CENPN: variants seen among roughly 807,000 people sequenced by gnomAD.
CENPN encodes the protein interphase centromere complex protein 32.
A neutral mutation model predicts 48.6 loss-of-function variants in CENPN; 36 were observed. The ratio of observed to expected loss-of-function variants is 0.74; its 90% CI spans 0.57 to 0.98. The LOEUF (loss-of-function observed/expected upper bound fraction) is 0.98, where lower values mean the gene tolerates loss of function less well. Ranked by LOEUF, CENPN falls within the 50% of genes least tolerant of loss-of-function variation. The pLI is 0.00. For synonymous variants in CENPN, 166 were observed against 135.2 expected (o/e 1.23, Z -1.58); for missense variants, 439 against 399.2 (o/e 1.10, Z -0.85).
At chr16:81,023,037 G>A in intron 7 of CENPN, 2 of 672,262 alleles carry the variant, frequency 3.0e-6, no homozygotes, top group South Asian at 4.1e-5. Context: ...TGAAACAACA[G>A]AGAAGTAGAA....
At position 81,029,573 on chromosome 16, in the gene CENPN, T is replaced by TG. The variant is rs201180655; in HGVS notation, c.*922_*923insG. ...CTCCATCCTGCCCAGCTAATTTTTT[T>TG]TTTGTTTGTTTTTTGTTTTTTGAGA... On this transcript the variant is annotated 3_prime_UTR_variant, in exon 11 of 11. Transcript: ENST00000305850. 9.8e-3 allele frequency among the ~76,000 whole-genome samples: 1,495 copies of TG among 151,962 alleles called. 24 individuals are homozygous for TG. The highest frequency in any genetic ancestry group is 0.034 in the African/African-American group (1,417 of 41,462).
At position 81,031,183 on chromosome 16, in the gene CENPN, AAAC is replaced by A. The variant is rs1970757436; in HGVS notation, c.*2535_*2537del. 1 of 152,100 alleles carries A rather than the reference AAAC, an allele frequency of 6.6e-6. No homozygotes were observed. The highest frequency in any genetic ancestry group is 2.1e-4 in the South Asian group (1 of 4,832). The allele number at this position is 152,100 out of a possible 1,614,324, so 9.4% of individuals were successfully genotyped here. On this transcript the variant is annotated 3_prime_UTR_variant, in exon 11 of 11. Coordinates refer to ENST00000305850, the MANE Select transcript of CENPN (RefSeq NM_001100624.3). The stretch of plus-strand genomic sequence containing the variant: ...AAAAAAATTAAAAGCTCCAAAAAAA[AAAC>A]AATACAGGAGCTTACCTTGAACCTT...
intron 1 of CENPN, among the ~76,000 whole-genome samples, chr16:81,007,968 GT>G (rs1969528424): frequency 6.6e-6 from 1 of 151,996 alleles, no homozygotes; most frequent in Admixed American, 6.6e-5. Context: ...TTAACCGGAC[GT>G]GGTATCGGGT....
chr16:81,022,737 A>T lies in CENPN; in HGVS notation c.633+39A>T, dbSNP rs375442059. On this transcript the variant is annotated intron_variant, in intron 7 of 10. Transcript: ENST00000305850. Reference sequence around the variant, plus strand: ...TGACTCTCTTTAAAGGTAAATCTTTATTTTCTCTTTGACACAGGAGTTAGA... The same window carrying T: ...TGACTCTCTTTAAAGGTAAATCTTTTTTTTCTCTTTGACACAGGAGTTAGA... 3.1e-6 allele frequency: 5 copies of T among 1,614,058 alleles called. No homozygotes were observed. In the Admixed American group the frequency reaches 6.7e-5, roughly 22 times the overall value.
At position 81,026,525 on chromosome 16, in the gene CENPN, G is replaced by C. The variant is rs750788031; in HGVS notation, c.698-1G>C. ...TTTTATTTGAAATCTTCCACCCATA[G>C]TGGATTCAAGGATCATTCATGAAAA... On this transcript the variant is annotated splice_acceptor_variant, in intron 8 of 10. Transcript: ENST00000305850. LOFTEE classifies it high-confidence loss of function. 1 of 1,509,804 alleles carries C rather than the reference G, an allele frequency of 6.6e-7. No homozygotes were observed. Among genetic ancestry groups the C allele is most frequent in the South Asian group, 1.2e-5 (1 of 86,694 alleles). The allele number at this position is 1,509,804 out of a possible 1,614,324, so 93.5% of individuals were successfully genotyped here.
chr16:81,022,282 T>A, intron 6 of CENPN: 1 of 293,562 alleles, frequency 3.4e-6, no homozygotes, highest in Non-Finnish European at 6.5e-6. Flanking sequence ...AGATGACTGA[T>A]ATTCAAAAAC....
downstream of CENPN, chr16:81,032,450 T>C (rs1480575496): frequency 8.3e-6 from 8 of 966,540 alleles, no homozygotes; most frequent in East Asian, 1.8e-4. Context: ...CCATTGGGGG[T>C]TGGGGAATCA....
At chr16:81,007,994 C>A (rs1969530767) in intron 1 of CENPN, among the ~76,000 whole-genome samples, 1 of 152,044 alleles carries the variant, frequency 6.6e-6, no homozygotes, top group African/African-American at 2.4e-5. Flanking sequence ...GTAATCCCAG[C>A]TATTTGGGAG....
At chr16:81,032,559 T>G (rs1415518923), downstream of CENPN, 4 of 1,576,278 alleles carry the variant, frequency 2.5e-6, no homozygotes, top group Non-Finnish European at 3.4e-6. Context: ...TCAGTGTTTT[T>G]TTTTTTTTAG....
chr16:81,021,244 C>G (rs761928826), intron 6 of CENPN, among the ~76,000 whole-genome samples: 30 of 152,316 alleles, frequency 2.0e-4, no homozygotes, highest in Admixed American at 1.0e-3. Context: ...AGACTGCTTT[C>G]ACATAAGATG....
chr16:81,025,847 C>A (rs942346912), intron 8 of CENPN, among the ~76,000 whole-genome samples: 1 of 151,486 alleles, frequency 6.6e-6, no homozygotes, highest in Admixed American at 6.6e-5. Context: ...GGACTACAGG[C>A]GCCTGCCACC....
chr16:81,017,818 A>G lies in CENPN; in HGVS notation c.338A>G (p.Gln113Arg), dbSNP rs1969996860. The G allele has an allele frequency of 6.4e-7, 1 of 1,559,480 alleles. No individual in the cohort carries two copies. Among genetic ancestry groups the G allele is most frequent in the Non-Finnish European group, 8.8e-7 (1 of 1,140,310 alleles). The change falls in exon 5 of 11, where the codon CAG (glutamine) becomes CGG (arginine). Residue 113 changes from glutamine (Q) to arginine (R), a missense_variant. Physicochemically the swap from Gln to Arg is conservative, Grantham distance 43 (BLOSUM62 1). Coordinates refer to ENST00000305850, the MANE Select transcript of CENPN (RefSeq NM_001100624.3). Reference sequence around the variant, plus strand: ...AAAAATTCGTTCAAGAAAATTCTTCAGAGAGCATTAAAAAATGTAAGAATA... The same window carrying G: ...AAAAATTCGTTCAAGAAAATTCTTCGGAGAGCATTAAAAAATGTAAGAATA... ...QFKNSFKKILQRALKNVTVSF... is the reference protein window; with the variant it reads ...QFKNSFKKILRRALKNVTVSF...
At position 81,029,377 on chromosome 16, in the gene CENPN, A is replaced by G. The variant is rs1026766868; in HGVS notation, c.*726A>G. The G allele has an allele frequency of 1.2e-6, 1 of 853,574 alleles. No homozygotes were observed. Among genetic ancestry groups the G allele is most frequent in the African/African-American group, 1.8e-5 (1 of 54,646 alleles). 52.9% of individuals were successfully genotyped at this position (853,574 alleles called of 1,614,324 possible). Reference sequence around the variant, plus strand: ...CACTAAATACCCTATCTTTTTAAAAATTTTTTCCTTTCTAATTTTTTATTT... The same window carrying G: ...CACTAAATACCCTATCTTTTTAAAAGTTTTTTCCTTTCTAATTTTTTATTT... On this transcript the variant is annotated 3_prime_UTR_variant, in exon 11 of 11. Coordinates refer to ENST00000305850, the MANE Select transcript of CENPN (RefSeq NM_001100624.3).
intron 3 of CENPN, among the ~76,000 whole-genome samples, chr16:81,015,771 C>G (rs1969906038): frequency 6.6e-6 from 1 of 152,162 alleles, no homozygotes; most frequent in Non-Finnish European, 1.5e-5. Flanking sequence ...TTTGGGAGAC[C>G]AAGGCAGGTG....
intron 3 of CENPN, among the ~76,000 whole-genome samples, chr16:81,016,147 A>C (rs904859801): frequency 1.8e-4 from 27 of 152,242 alleles, no homozygotes; most frequent in African/African-American, 5.5e-4. Flanking sequence ...CTACTCCAAG[A>C]CACTCCAAGT....
intron 5 of CENPN, among the ~76,000 whole-genome samples, chr16:81,018,631 A>G (rs1970033646): frequency 6.6e-6 from 1 of 152,158 alleles, no homozygotes; most frequent in East Asian, 1.9e-4. Flanking sequence ...TCAGAATAAG[A>G]CAATCTTCCA....
intron 6 of CENPN, 27 bp downstream of exon 6, chr16:81,020,303 A>C: frequency 1.3e-6 from 2 of 1,596,896 alleles, no homozygotes; most frequent in Non-Finnish European, 1.7e-6. Flanking sequence ...TACAAGCTAT[A>C]ATATTTTATT....
At chr16:81,022,954 C>T in intron 7 of CENPN, 8 of 1,340,576 alleles carry the variant, frequency 6.0e-6, no homozygotes, top group Non-Finnish European at 8.1e-6. Flanking sequence ...TCCAAATCAC[C>T]TGATCACACT....
At chr16:81,008,363 G>GT (rs925080423) in intron 1 of CENPN, among the ~76,000 whole-genome samples, 4 of 151,858 alleles carry the variant, frequency 2.6e-5, no homozygotes, top group South Asian at 4.2e-4. Context: ...TCGTCTGTGG[G>GT]TTTTTTTGTT....
Sources: allele counts gnomAD v4.1 joint callset (sites outside exome capture counted in the v4.1 genomes callset), GRCh38; gene constraint gnomAD v4.1.1; transcripts MANE v1.5; gene names NCBI Gene and HGNC (gene_info 2026-07-23, HGNC 2026-07-21).